Variants in ATP8A2 observed in about 807,000 individuals in gnomAD.
ATP8A2 encodes phospholipid-transporting ATPase IB.
Under a neutral mutation model 165.6 loss-of-function variants are expected in ATP8A2, and 100 were observed. The ratio of observed to expected loss-of-function variants is 0.60; its 90% CI spans 0.51 to 0.71. The LOEUF is 0.71. ATP8A2 is among the 30% of genes least tolerant of loss of function. The pLI, the probability that ATP8A2 is intolerant of heterozygous loss-of-function variation, is 0.00. For synonymous variants in ATP8A2, 543 were observed against 548.8 expected, an observed-to-expected ratio of 0.99 and a Z score of 0.15; for missense variants, 1,227 against 1,479.5, an observed-to-expected ratio of 0.83 and a Z score of 2.80.
chr13:25,884,827 T>C (rs1002782422), intron 33 of ATP8A2, among the ~76,000 whole-genome samples: 2 of 152,138 alleles, frequency 1.3e-5, no homozygotes, highest in Non-Finnish European at 2.9e-5. Context: ...GCACTTGCCC[T>C]CCTCCCACGA....
intron 2 of ATP8A2, among the ~76,000 whole-genome samples, chr13:25,510,406 G>T (rs1413396780): frequency 2.0e-5 from 3 of 152,288 alleles, no homozygotes; most frequent in Admixed American, 6.5e-5. Context: ...GGAAGCAAGA[G>T]AACTTAATAA....
intron 2 of ATP8A2, among the ~76,000 whole-genome samples, chr13:25,508,655 G>A (rs185285599): frequency 6.6e-6 from 1 of 152,258 alleles, no homozygotes; most frequent in East Asian, 1.9e-4. Context: ...GTATAAACTT[G>A]GAGAAAAGAT....
intron 25 of ATP8A2, among the ~76,000 whole-genome samples, chr13:25,712,436 A>G (rs2043176426): frequency 6.6e-6 from 1 of 152,174 alleles, no homozygotes; most frequent in African/African-American, 2.4e-5. Context: ...GACTACGAGA[A>G]ATGTTGAGGA....
intron 1 of ATP8A2, among the ~76,000 whole-genome samples, chr13:25,420,303 A>T (rs987204179): frequency 4.6e-5 from 7 of 152,266 alleles, no homozygotes; most frequent in Non-Finnish European, 7.3e-5. Context: ...TAATACAGAC[A>T]GGAAGGTGGC....
At chr13:25,420,153 A>G (rs981869494) in intron 1 of ATP8A2, among the ~76,000 whole-genome samples, 5 of 152,250 alleles carry the variant, frequency 3.3e-5, no homozygotes, top group Non-Finnish European at 7.3e-5. Context: ...TCATTTTGAA[A>G]GATAGGGAGA....
chr13:25,725,820 CACA>C (rs1566080500), intron 25 of ATP8A2, among the ~76,000 whole-genome samples: 1 of 152,094 alleles, frequency 6.6e-6, no homozygotes, highest in South Asian at 2.1e-4. Context: ...CCATAAGGAC[CACA>C]AAAGATCAGT....
chr13:25,818,275 C>T (rs1165043168), intron 27 of ATP8A2, among the ~76,000 whole-genome samples: 1 of 152,132 alleles, frequency 6.6e-6, no homozygotes, highest in Admixed American at 6.5e-5. Flanking sequence ...GGAAAAAGAT[C>T]TGGATAATTC....
chr13:25,890,280 A>G (rs184646649), intron 33 of ATP8A2, among the ~76,000 whole-genome samples: 1 of 152,374 alleles, frequency 6.6e-6, no homozygotes, highest in East Asian at 1.9e-4. Context: ...ACAACACTTT[A>G]TAGTTGCTAA....
rs36121982 is a variant in ATP8A2, at chr13:25,436,781, C to CT, written c.77-32182dup. Among the ~76,000 whole-genome samples, 812 of 144,962 alleles carry CT rather than the reference C, an allele frequency of 5.6e-3. 4 individuals are homozygous for CT. The highest frequency in any genetic ancestry group is 0.013 in the Admixed American group (191 of 14,522). Reference sequence around the variant, plus strand: ...CTTGCCAACATCTGTTGTTTTATGACTTTTTTTTTTTTTTAACAGAGTCTC... The same window carrying CT: ...CTTGCCAACATCTGTTGTTTTATGACTTTTTTTTTTTTTTTAACAGAGTCTC... On this transcript the variant is annotated intron_variant, in intron 1 of 36. Coordinates refer to ENST00000381655, the MANE Select transcript of ATP8A2 (RefSeq NM_016529.6).
intron 33 of ATP8A2, among the ~76,000 whole-genome samples, chr13:25,907,212 T>C (rs1456084761): frequency 6.6e-6 from 1 of 152,014 alleles, no homozygotes. Context: ...ATCGCGCCAC[T>C]GCACTCCAGC....
intron 1 of ATP8A2, among the ~76,000 whole-genome samples, chr13:25,452,297 C>T (rs1038266309): frequency 6.6e-6 from 1 of 152,204 alleles, no homozygotes; most frequent in African/African-American, 2.4e-5. Context: ...GTCCCACCAC[C>T]ACGGGCTGAG....
At chr13:25,574,953 A>G (rs930660537) in intron 19 of ATP8A2, 96 bp downstream of exon 19, 12 of 637,884 alleles carry the variant, frequency 1.9e-5, no homozygotes, top group Non-Finnish European at 2.4e-5. Flanking sequence ...GATTCAATAT[A>G]TTACTTAAGT....
At chr13:25,499,878 G>A (rs955629886) in intron 2 of ATP8A2, among the ~76,000 whole-genome samples, 14 of 152,262 alleles carry the variant, frequency 9.2e-5, no homozygotes, top group African/African-American at 3.1e-4. Flanking sequence ...GCAACTCACT[G>A]TGGAAGTGAT....
At chr13:25,633,941 A>G (rs1189444859) in intron 24 of ATP8A2, among the ~76,000 whole-genome samples, 11 of 151,274 alleles carry the variant, frequency 7.3e-5, no homozygotes. Context: ...GTGACACTGT[A>G]CTCCAGCCTG....
At chr13:25,741,726 T>A (rs2043917142) in intron 25 of ATP8A2, among the ~76,000 whole-genome samples, 1 of 152,156 alleles carries the variant, frequency 6.6e-6, no homozygotes, top group Admixed American at 6.5e-5. Context: ...TTATTGATCT[T>A]CAACTAAAAT....
Position 25,717,075 on chromosome 13 carries a change from C to A in ATP8A2, c.2384+17730C>A, listed in dbSNP as rs150772420. On this transcript the variant is annotated intron_variant, in intron 25 of 36. Coordinates refer to ENST00000381655, the MANE Select transcript of ATP8A2 (RefSeq NM_016529.6). ...TTGCTGCCTATACATGCCACTATCA[C>A]CAGTGAGTCTTCACTTAATGTGCAT... Among the ~76,000 whole-genome samples the A allele has an allele frequency of 5.9e-5, 9 of 152,296 alleles. No individual in the cohort carries two copies. The East Asian group carries it at 1.7e-3, about 29-fold the overall frequency.
chr13:25,759,551 C>G (rs1405413459), intron 25 of ATP8A2, among the ~76,000 whole-genome samples: 1 of 152,166 alleles, frequency 6.6e-6, no homozygotes, highest in Non-Finnish European at 1.5e-5. Flanking sequence ...AAGCCAGACG[C>G]TCCTGAGAGG....
chr13:25,724,130 T>C (rs929177832), intron 25 of ATP8A2, among the ~76,000 whole-genome samples: 1 of 152,206 alleles, frequency 6.6e-6, no homozygotes, highest in Non-Finnish European at 1.5e-5. Flanking sequence ...GAACACAGCC[T>C]GGCTGATACC....
Position 25,892,125 on chromosome 13 carries a change from G to A in ATP8A2, c.3183+29717G>A, listed in dbSNP as rs12430157. Among the ~76,000 whole-genome samples, 255 of 151,686 alleles carry A rather than the reference G, an allele frequency of 1.7e-3. 7 individuals are homozygous for A. The East Asian group carries it at 0.046, about 27-fold the overall frequency. On this transcript the variant is annotated intron_variant, in intron 33 of 36. Transcript: ENST00000381655. ...CGAGTAACTGGGACTACAGGCGCCCGCCACCACACCTGGCTAATCTTTTGT... is the reference window on the plus strand; with the variant it reads ...CGAGTAACTGGGACTACAGGCGCCCACCACCACACCTGGCTAATCTTTTGT...
Sources: gnomAD v4.1 joint callset for allele counts (sites outside exome capture counted in the v4.1 genomes callset) on GRCh38, gnomAD v4.1.1 for gene constraint, MANE v1.5 for transcripts, NCBI Gene and HGNC (gene_info 2026-07-23, HGNC 2026-07-21) for gene names.